Variants in IL4I1 observed in about 807,000 individuals in gnomAD.
The protein encoded by IL4I1 is L-amino-acid oxidase.
In IL4I1, 24 loss-of-function variants were observed where a neutral mutation model predicts 29.7. The ratio of observed to expected loss-of-function variants is 0.81; its 90% CI spans 0.59 to 1.14. The LOEUF (loss-of-function observed/expected upper bound fraction) is 1.14. IL4I1 is among the 50% of genes most tolerant of loss of function. The pLI, the probability that IL4I1 is intolerant of heterozygous loss-of-function variation, is 0.00. For missense variants in IL4I1, 686 were observed against 785.6 expected (o/e 0.87, Z 1.52); for synonymous variants, 371 against 352.5 (o/e 1.05, Z -0.59).
chr19:49,925,171 G>A (rs557219324), intron 2 of IL4I1, among the ~76,000 whole-genome samples: 111 of 152,210 alleles, frequency 7.3e-4, no homozygotes, highest in African/African-American at 2.6e-3. Flanking sequence ...TGAGGCAGGA[G>A]AATCTCTTGA....
intron 7 of IL4I1, 31 bp downstream of exon 7, chr19:49,890,940 C>A (rs917334159): frequency 1.5e-5 from 7 of 454,640 alleles, no homozygotes; most frequent in Admixed American, 4.5e-5. Context: ...CCCCCCGCCC[C>A]CCCCCCCTGC....
At chr19:49,908,107 A>AT (rs1419116523) in intron 2 of IL4I1, 1 of 1,495,340 alleles carries the variant, frequency 6.7e-7, no homozygotes, top group Non-Finnish European at 8.9e-7. Context: ...CACAGCGATC[A>AT]TGTCAAGGGC....
chr19:49,903,346 C>T (rs558499922), intron 3 of IL4I1, among the ~76,000 whole-genome samples: 1 of 152,248 alleles, frequency 6.6e-6, no homozygotes, highest in Admixed American at 6.5e-5. Flanking sequence ...GAGGGTTCAA[C>T]CTGATGGTGT....
intron 2 of IL4I1, among the ~76,000 whole-genome samples, chr19:49,906,215 T>C (rs1164631007): frequency 1.3e-5 from 2 of 151,978 alleles, no homozygotes; most frequent in African/African-American, 4.8e-5. Flanking sequence ...TTAACATGTG[T>C]GTATATTTTT....
upstream of IL4I1, among the ~76,000 whole-genome samples, chr19:49,899,982 ACAC>A (rs986495725): frequency 1.3e-3 from 192 of 152,158 alleles, no homozygotes; most frequent in African/African-American, 4.2e-3. Flanking sequence ...CCACAGGTGC[ACAC>A]CACCATGCAC....
At chr19:49,919,448 C>A (rs767094552) in intron 2 of IL4I1, among the ~76,000 whole-genome samples, 5 of 152,190 alleles carry the variant, frequency 3.3e-5, no homozygotes, top group Non-Finnish European at 7.3e-5. Context: ...TTCTCCTCAC[C>A]CGGGTAGATG....
At chr19:49,920,272 G>A (rs2075733140) in intron 2 of IL4I1, among the ~76,000 whole-genome samples, 1 of 152,162 alleles carries the variant, frequency 6.6e-6, no homozygotes, top group African/African-American at 2.4e-5. Flanking sequence ...TAGTAGAGAC[G>A]GGGTTTCGCC....
At chr19:49,928,973 G>A (rs2075986143) in intron 1 of IL4I1, 1 of 152,616 alleles carries the variant, frequency 6.6e-6, no homozygotes, top group Admixed American at 6.5e-5. Context: ...GGAGCCACAA[G>A]GAGAGGGCTG....
At chr19:49,909,868 C>T in intron 2 of IL4I1, 1 of 1,557,496 alleles carries the variant, frequency 6.4e-7, no homozygotes, top group Non-Finnish European at 8.8e-7. Context: ...TCGGTGTCTG[C>T]AGCCTTGGGA....
intron 2 of IL4I1, chr19:49,907,537 C>CT (rs4009637): frequency 0.038 from 12,370 of 326,112 alleles, 54 homozygotes; most frequent in East Asian, 0.065. Flanking sequence ...CTGGGAGTTT[C>CT]TTTTTTTTTT....
intron 2 of IL4I1, among the ~76,000 whole-genome samples, chr19:49,910,317 C>G (rs1313212821): frequency 6.6e-6 from 1 of 152,004 alleles, no homozygotes; most frequent in Non-Finnish European, 1.5e-5. Context: ...CTCTTGCCAC[C>G]CTGAGGGCCT....
At chr19:49,923,724 A>T (rs1292728466) in intron 2 of IL4I1, among the ~76,000 whole-genome samples, 1 of 152,232 alleles carries the variant, frequency 6.6e-6, no homozygotes, top group Non-Finnish European at 1.5e-5. Context: ...TCTGCAATGG[A>T]CCATCTCATC....
intron 2 of IL4I1, chr19:49,909,857 G>A (rs778093259): frequency 9.5e-6 from 15 of 1,579,434 alleles, no homozygotes; most frequent in Middle Eastern, 3.8e-4. Context: ...AAGCAAATCC[G>A]TCGGTGTCTG....
chr19:49,926,648 A>G (rs1308505429), intron 2 of IL4I1, among the ~76,000 whole-genome samples: 1 of 152,182 alleles, frequency 6.6e-6, no homozygotes, highest in Admixed American at 6.5e-5. Flanking sequence ...CGTCCTTACC[A>G]CTGGCAGTCT....
intron 2 of IL4I1, among the ~76,000 whole-genome samples, chr19:49,912,515 G>A (rs1300924074): frequency 6.6e-6 from 1 of 152,118 alleles, no homozygotes; most frequent in Non-Finnish European, 1.5e-5. Flanking sequence ...CAATACTCAG[G>A]TGCCAGGGAT....
At chr19:49,914,107 C>T (rs1016529604) in intron 2 of IL4I1, among the ~76,000 whole-genome samples, 2 of 152,046 alleles carry the variant, frequency 1.3e-5, no homozygotes, top group Non-Finnish European at 2.9e-5. Flanking sequence ...CCAGTACTTT[C>T]GGAGGCCAAG....
rs999583 is a variant in IL4I1 at position 49,909,160 on chromosome 19, G to A, written c.-227-4839C>T. ...TTGACGCAAAGAGGCTGGGCCCAGTGCTGGTGATGGTGGCTGTGGGTGTGG... is the reference window on the plus strand; with the variant it reads ...TTGACGCAAAGAGGCTGGGCCCAGTACTGGTGATGGTGGCTGTGGGTGTGG... On this transcript the variant is annotated intron_variant, in intron 2 of 9. Transcript: ENST00000341114. 1,237,763 of 1,613,498 alleles carry A rather than the reference G, an allele frequency of 0.77. 477,475 individuals are homozygous for A. The highest frequency in any genetic ancestry group is 0.96 in the East Asian group (42,920 of 44,864).
chr19:49,890,257 G>C lies in IL4I1; in HGVS notation c.1117C>G (p.His373Asp). 5 of 1,576,856 alleles carry C rather than the reference G, an allele frequency of 3.2e-6. No individual in the cohort carries two copies. Among genetic ancestry groups the C allele is most frequent in the Non-Finnish European group, 4.3e-6 (5 of 1,161,994 alleles). Residue 373 changes from histidine to aspartate, a missense_variant, in exon 8 of 8, where the codon CAC becomes GAC. Transcript: ENST00000391826. The part of the protein sequence containing the change: ...FWREEHIEGG[H>D]SNTDRPSRMI... Reference sequence around the variant, plus strand: ...CGCGACGGGCGATCGGTGTTTGAGTGGCCGCCTTCAATGTGCTCCTCGCGC... The same window carrying C: ...CGCGACGGGCGATCGGTGTTTGAGTCGCCGCCTTCAATGTGCTCCTCGCGC...
chr19:49,916,472 T>C (rs923500378), intron 2 of IL4I1, among the ~76,000 whole-genome samples: 1 of 150,198 alleles, frequency 6.7e-6, no homozygotes, highest in African/African-American at 2.5e-5. Flanking sequence ...TTTGTATCTC[T>C]ACTAAAAATA....
Sources: gnomAD v4.1 joint callset for allele counts (sites outside exome capture counted in the v4.1 genomes callset) on GRCh38, gnomAD v4.1.1 for gene constraint, MANE v1.5 for transcripts, NCBI Gene and HGNC (gene_info 2026-07-23, HGNC 2026-07-21) for gene names.